The following PTPN21 variants were observed in gnomAD, a reference collection of about 807,000 sequenced individuals.
PTPN21 encodes tyrosine-protein phosphatase non-receptor type 21.
PTPN21 carries 77 observed loss-of-function variants against 131.8 expected under a neutral mutation model. That is an observed-to-expected ratio of 0.58 (90% CI 0.49 to 0.71). PTPN21 has a LOEUF of 0.71. Among genes scored for constraint, PTPN21 ranks in the 30% least tolerant of loss-of-function variants. PTPN21 has a pLI of 0.00. For missense variants in PTPN21, 1,552 were observed against 1,527.1 expected, an observed-to-expected ratio of 1.02 and a Z score of -0.27; for synonymous variants, 715 against 621.3, an observed-to-expected ratio of 1.15 and a Z score of -2.24.
intron 2 of PTPN21, among the ~76,000 whole-genome samples, chr14:88,544,337 C>T (rs1297646398): frequency 6.6e-6 from 1 of 151,970 alleles, no homozygotes; most frequent in African/African-American, 2.4e-5. Context: ...CAGAGCAAGA[C>T]TCCATCTCAC....
rs2078285503 is a variant in PTPN21, at chr14:88,517,210, C to T, written c.232G>A (p.Val78Ile). The T allele has an allele frequency of 1.2e-6, 2 of 1,614,040 alleles. No homozygotes were observed. The highest frequency in any genetic ancestry group is 2.2e-5 in the East Asian group (1 of 44,874). Residue 78 changes from valine to isoleucine, a missense_variant, in exon 3 of 19, where the codon GTA (valine) becomes ATA (isoleucine). Coordinates refer to ENST00000556564, the MANE Select transcript of PTPN21 (RefSeq NM_007039.4). ...YYNKQNQRRWVDLEKPLKKQL... is the reference protein window; with the variant it reads ...YYNKQNQRRWIDLEKPLKKQL... The stretch of plus-strand genomic sequence containing the variant: ...TTCTTCAAAGGTTTTTCCAAATCTA[C>T]CCACCGGCGCTGATTTTGCTTGTTG...
At chr14:88,510,118 A>C (rs148727425) in intron 3 of PTPN21, among the ~76,000 whole-genome samples, 2 of 152,310 alleles carry the variant, frequency 1.3e-5, no homozygotes, top group East Asian at 3.9e-4. Context: ...TTTGCCTTAC[A>C]TTATACTGTT....
In PTPN21 at chr14:88,474,632, C is replaced by T. The variant is rs767663274; in HGVS notation, c.2512-830G>A. Among the ~76,000 whole-genome samples, 93 of 152,122 alleles carry T rather than the reference C, an allele frequency of 6.1e-4. 1 individual carries two copies. Among genetic ancestry groups the T allele is most frequent in the Non-Finnish European group, 9.4e-4 (64 of 68,022 alleles). On this transcript the variant is annotated intron_variant, in intron 13 of 18. Coordinates refer to ENST00000556564, the MANE Select transcript of PTPN21 (RefSeq NM_007039.4). Reference sequence around the variant, plus strand: ...GACTTAGATGACCCGGGTTAGATCACGCTACCTCTCAGAACGGCTACGTTT... The same window carrying T: ...GACTTAGATGACCCGGGTTAGATCATGCTACCTCTCAGAACGGCTACGTTT...
At chr14:88,486,638 C>T (rs547839209) in intron 10 of PTPN21, among the ~76,000 whole-genome samples, 39 of 152,132 alleles carry the variant, frequency 2.6e-4, no homozygotes, top group Admixed American at 8.5e-4. Context: ...ACCCATTTAC[C>T]TTTCTTTGCA....
intron 3 of PTPN21, among the ~76,000 whole-genome samples, chr14:88,508,353 G>A (rs1182837049): frequency 6.6e-6 from 1 of 152,010 alleles, no homozygotes. Context: ...GTTTCACCAT[G>A]TTGCCCAGGC....
chr14:88,479,640 C>A lies in PTPN21; in HGVS notation c.1791G>T (p.Arg597=). The part of the protein sequence containing the change: ...ISSSNPDLIT[R]RVHHSVQTFQ... Reference sequence around the variant, plus strand: ...ACGTTTGCACCGAGTGGTGCACGCGCCGCGTGATGAGGTCGGGGTTGCTGC... The same window carrying A: ...ACGTTTGCACCGAGTGGTGCACGCGACGCGTGATGAGGTCGGGGTTGCTGC... The change falls in exon 13 of 19, where the codon CGG becomes CGT. Residue 597 remains arginine (R), a synonymous_variant. Transcript: ENST00000556564. 1 of 1,558,310 alleles carries A rather than the reference C, an allele frequency of 6.4e-7. No homozygotes were observed. The highest frequency in any genetic ancestry group is 8.6e-7 in the Non-Finnish European group (1 of 1,156,868).
intron 8 of PTPN21, 41 bp from the exon 9 acceptor site, chr14:88,497,331 A>G (rs370540147): frequency 1.2e-5 from 18 of 1,473,664 alleles, no homozygotes; most frequent in Non-Finnish European, 1.7e-5. Flanking sequence ...GTGAGTGCCC[A>G]TGGGGGAAAC....
intron 14 of PTPN21, among the ~76,000 whole-genome samples, chr14:88,473,411 C>CA (rs1036500702): frequency 3.3e-5 from 5 of 152,028 alleles, no homozygotes; most frequent in African/African-American, 9.7e-5. Flanking sequence ...AAGACTGCTC[C>CA]AAAAGGCCAG....
chr14:88,493,029 G>A (rs1320728629), intron 10 of PTPN21: 5 of 453,974 alleles, frequency 1.1e-5, no homozygotes, highest in Non-Finnish European at 2.2e-5. Context: ...CTAGCACAGC[G>A]GCTAAGAGCA....
In PTPN21 at chr14:88,479,448, C is replaced by A. The variant is rs747478535; in HGVS notation, c.1983G>T (p.Ala661=). 5.0e-6 allele frequency: 8 copies of A among 1,602,068 alleles called. No homozygotes were observed. The South Asian group carries it at 7.7e-5, about 15-fold the overall frequency. The change falls in exon 13 of 19, where the codon GCG becomes GCT. Residue 661 remains alanine (A), a synonymous_variant. Transcript: ENST00000556564. The part of the protein sequence containing the change: ...RLKERTLSAS[A]AEVAPRAVSV... ...AGACGGCTCGCGGCGCCACCTCTGC[C>A]GCCGACGCGGATAGGGTGCGCTCCT...
intron 13 of PTPN21, among the ~76,000 whole-genome samples, chr14:88,474,131 C>CCAAAAAAAAAAAA (rs1555382614): frequency 2.1e-5 from 1 of 46,682 alleles, no homozygotes; most frequent in African/African-American, 7.9e-5. Context: ...AGCTGAAGTC[C>CCAAAAAAAAAAAA]AAAAAAAAAA....
chr14:88,485,688 G>A, intron 11 of PTPN21, 94 bp downstream of exon 11: 1 of 961,750 alleles, frequency 1.0e-6, no homozygotes, highest in Non-Finnish European at 1.6e-6. Context: ...CACTTTTATG[G>A]TTCAAACTCA....
At chr14:88,521,721 A>G (rs1002893083) in intron 2 of PTPN21, among the ~76,000 whole-genome samples, 1 of 152,078 alleles carries the variant, frequency 6.6e-6, no homozygotes, top group South Asian at 2.1e-4. Flanking sequence ...GTATGTCATC[A>G]TTTTTAACCA....
intron 2 of PTPN21, among the ~76,000 whole-genome samples, chr14:88,544,135 A>G (rs1353899091): frequency 6.6e-6 from 1 of 152,184 alleles, no homozygotes; most frequent in Admixed American, 6.5e-5. Context: ...ACCTGAGGTC[A>G]GGAGTTCAAG....
At chr14:88,518,382 GTGTGTA>G (rs1258468815) in intron 2 of PTPN21, among the ~76,000 whole-genome samples, 81 of 12,270 alleles carry the variant, frequency 6.6e-3, no homozygotes, top group African/African-American at 0.02. Context: ...GTATGTGTGT[GTGTGTA>G]TATATATATA....
intron 10 of PTPN21, among the ~76,000 whole-genome samples, chr14:88,494,051 G>A (rs1049520473): frequency 6.6e-6 from 1 of 152,078 alleles, no homozygotes; most frequent in Non-Finnish European, 1.5e-5. Flanking sequence ...AACAAATATA[G>A]AAATTCACAT....
chr14:88,502,084 T>G (rs2078017404), intron 6 of PTPN21, among the ~76,000 whole-genome samples: 1 of 152,112 alleles, frequency 6.6e-6, no homozygotes, highest in Non-Finnish European at 1.5e-5. Context: ...AAAACCCCTT[T>G]TTGCTCAGGT....
chr14:88,503,108 T>C (rs1435733460), intron 6 of PTPN21, among the ~76,000 whole-genome samples: 1 of 151,656 alleles, frequency 6.6e-6, no homozygotes, highest in Non-Finnish European at 1.5e-5. Context: ...CGATCTCAGC[T>C]CACTGCAACC....
At chr14:88,486,833 G>T (rs1034134044) in intron 10 of PTPN21, among the ~76,000 whole-genome samples, 12 of 151,960 alleles carry the variant, frequency 7.9e-5, no homozygotes, top group Admixed American at 2.0e-4. Context: ...AAAACTAGCT[G>T]GGCATGGTGG....
Sources: allele counts gnomAD v4.1 joint callset (sites outside exome capture counted in the v4.1 genomes callset), GRCh38; gene constraint gnomAD v4.1.1; transcripts MANE v1.5; gene names NCBI Gene and HGNC (gene_info 2026-07-23, HGNC 2026-07-21).